Variants in BMPER observed in about 807,000 individuals in gnomAD.
The protein encoded by BMPER is BMP-binding endothelial regulator protein.
In BMPER, 45 loss-of-function variants were observed where a neutral mutation model predicts 87.3. That is an observed-to-expected ratio of 0.52 (90% CI 0.41 to 0.66). The LOEUF is 0.66. Among genes scored for constraint, BMPER ranks in the 30% least tolerant of loss-of-function variants. The probability of loss-of-function intolerance (pLI) is 0.00; values close to 1 mark genes in which losing one functional copy is unlikely to be tolerated. For synonymous variants in BMPER, 326 were observed against 316.2 expected (o/e 1.03, Z -0.33); for missense variants, 784 against 867.5 (o/e 0.90, Z 1.21).
intron 6 of BMPER, among the ~76,000 whole-genome samples, chr7:33,979,375 C>T (rs879921056): frequency 6.6e-6 from 1 of 151,484 alleles, no homozygotes; most frequent in African/African-American, 2.4e-5. Context: ...ACCTGATTCC[C>T]CCAAGGAGAA....
chr7:34,075,241 G>A (rs1428992982), intron 11 of BMPER, among the ~76,000 whole-genome samples: 1 of 151,954 alleles, frequency 6.6e-6, no homozygotes, highest in Non-Finnish European at 1.5e-5. Flanking sequence ...ACATCAAAGT[G>A]GTATGTCTTT....
At chr7:33,970,294 T>C in intron 4 of BMPER, 35 bp from the exon 5 acceptor site, 2 of 1,598,854 alleles carry the variant, frequency 1.3e-6, no homozygotes, top group Non-Finnish European at 1.7e-6. Context: ...GTGGGAATTC[T>C]GGGCTGACTT....
At chr7:34,072,270 G>C (rs868064355) in intron 11 of BMPER, among the ~76,000 whole-genome samples, 1 of 152,116 alleles carries the variant, frequency 6.6e-6, no homozygotes, top group African/African-American at 2.4e-5. Flanking sequence ...AAGTGTACTA[G>C]TTACCTATGG....
At chr7:34,040,679 AGAGGT>A (rs774428338) in intron 6 of BMPER, among the ~76,000 whole-genome samples, 4 of 152,196 alleles carry the variant, frequency 2.6e-5, no homozygotes, top group Non-Finnish European at 5.9e-5. Flanking sequence ...ACTGAGTGGA[AGAGGT>A]GAGTAAAGGT....
intron 7 of BMPER, among the ~76,000 whole-genome samples, chr7:34,047,795 C>CTTCCTTCCCTCCTTCCTTCCTTCA (rs1562709401): frequency 4.2e-4 from 14 of 33,446 alleles, no homozygotes; most frequent in East Asian, 1.1e-3. Context: ...TCTTTCCTTC[C>CTTCCTTCCCTCCTTCCTTCCTTCA]TTCCTTCCTT....
At chr7:34,058,256 C>G in intron 10 of BMPER, 93 bp downstream of exon 10, 1 of 1,177,148 alleles carries the variant, frequency 8.5e-7, no homozygotes, top group Non-Finnish European at 1.2e-6. Flanking sequence ...ACACAGACTC[C>G]AGCTCCCCCA....
chr7:34,143,703 C>T (rs111639829), intron 14 of BMPER, among the ~76,000 whole-genome samples: 51 of 152,202 alleles, frequency 3.4e-4, no homozygotes, highest in African/African-American at 1.1e-3. Flanking sequence ...AAAGGAGATT[C>T]GGGACAATTA....
At chr7:34,117,591 G>T (rs961950439) in intron 13 of BMPER, among the ~76,000 whole-genome samples, 1 of 152,166 alleles carries the variant, frequency 6.6e-6, no homozygotes, top group Non-Finnish European at 1.5e-5. Context: ...CTCGAAGAAA[G>T]GTACCTAAAG....
At chr7:33,905,920 A>G (rs1390276829) in intron 1 of BMPER, among the ~76,000 whole-genome samples, 174 bp downstream of exon 1, 1 of 152,210 alleles carries the variant, frequency 6.6e-6, no homozygotes, top group African/African-American at 2.4e-5. Context: ...AGGCTGGTGA[A>G]GAGGTTGCGG....
chr7:34,058,589 C>G (rs1275811651), intron 10 of BMPER, among the ~76,000 whole-genome samples: 2 of 152,226 alleles, frequency 1.3e-5, no homozygotes, highest in African/African-American at 4.8e-5. Context: ...AGGGGTTTCT[C>G]CTGCCTCACG....
At chr7:34,038,337 G>A (rs1787740372) in intron 6 of BMPER, among the ~76,000 whole-genome samples, 1 of 152,130 alleles carries the variant, frequency 6.6e-6, no homozygotes, top group Admixed American at 6.5e-5. Flanking sequence ...GGAGGAGGGG[G>A]CCATCAGCCA....
At chr7:33,979,738 T>C (rs1467557463) in intron 6 of BMPER, among the ~76,000 whole-genome samples, 3 of 152,146 alleles carry the variant, frequency 2.0e-5, no homozygotes, top group Non-Finnish European at 4.4e-5. Flanking sequence ...ATTATCCAGC[T>C]CCAATGGATG....
In BMPER at chr7:33,914,419, G is replaced by A. The variant is rs112590994; in HGVS notation, c.219+7516G>A. ...AAGAAAATAGATGGCAGAGGTGAGAGATGGGAAAAACTGAAGGGAATTTTG... is the reference window on the plus strand; with the variant it reads ...AAGAAAATAGATGGCAGAGGTGAGAAATGGGAAAAACTGAAGGGAATTTTG... On this transcript the variant is annotated intron_variant, in intron 2 of 14. Transcript: ENST00000649409. 7.1e-3 allele frequency among the ~76,000 whole-genome samples: 1,077 copies of A among 152,238 alleles called. 9 individuals carry two copies. The highest frequency in any genetic ancestry group is 0.025 in the African/African-American group (1,032 of 41,540).
upstream of BMPER, chr7:33,905,359 G>GGAAA (rs1554295812): frequency 2.4e-5 from 6 of 250,370 alleles, no homozygotes; most frequent in East Asian, 2.1e-4. Flanking sequence ...ACTCCCTCAG[G>GGAAA]AAAAAAAAAA....
intron 6 of BMPER, among the ~76,000 whole-genome samples, chr7:34,003,868 T>G (rs750517828): frequency 6.6e-5 from 10 of 152,154 alleles, no homozygotes; most frequent in Non-Finnish European, 1.5e-4. Context: ...TTCACTATGA[T>G]GTGTCCACAT....
chr7:34,073,214 G>A (rs900334901), intron 11 of BMPER, among the ~76,000 whole-genome samples: 4 of 152,052 alleles, frequency 2.6e-5, no homozygotes, highest in African/African-American at 9.7e-5. Flanking sequence ...AAGAATCCAT[G>A]TATTACATAT....
intron 12 of BMPER, among the ~76,000 whole-genome samples, chr7:34,082,832 C>A (rs746941582): frequency 4.6e-5 from 7 of 152,274 alleles, no homozygotes; most frequent in Admixed American, 2.0e-4. Context: ...CTTAGAAGAA[C>A]AGTATTTGCC....
intron 2 of BMPER, among the ~76,000 whole-genome samples, chr7:33,936,846 A>G (rs371721934): frequency 6.6e-6 from 1 of 152,178 alleles, no homozygotes; most frequent in African/African-American, 2.4e-5. Flanking sequence ...CTGCATTTTA[A>G]TGCACTCTAC....
chr7:34,154,879 G>A lies in BMPER; in HGVS notation c.*1606G>A, dbSNP rs1338118671. 6.6e-6 allele frequency: 1 copy of A among 151,700 alleles called. No homozygotes were observed. The highest frequency in any genetic ancestry group is 1.5e-5 in the Non-Finnish European group (1 of 67,972). 9.4% of individuals were successfully genotyped at this position (151,700 alleles called of 1,614,324 possible). ...CTGTGTTTGGATACTAATCACCCTCGTATCTGCAGCCTGAGGTAGTCAGGT... is the reference window on the plus strand; with the variant it reads ...CTGTGTTTGGATACTAATCACCCTCATATCTGCAGCCTGAGGTAGTCAGGT... On this transcript the variant is annotated 3_prime_UTR_variant, in exon 15 of 15. Transcript: ENST00000649409.
Sources: gnomAD v4.1 joint callset for allele counts (sites outside exome capture counted in the v4.1 genomes callset) on GRCh38, gnomAD v4.1.1 for gene constraint, MANE v1.5 for transcripts, NCBI Gene and HGNC (gene_info 2026-07-23, HGNC 2026-07-21) for gene names.